The following CNTD1 variants were observed in gnomAD, a reference collection of about 807,000 sequenced individuals.
CNTD1 encodes cyclin N-terminal domain containing 1.
A neutral mutation model predicts 36.3 loss-of-function variants in CNTD1; 17 were observed. The observed-to-expected ratio is 0.47, with a 90% confidence interval of 0.32 to 0.70. The LOEUF is 0.70. Among genes scored for constraint, CNTD1 ranks in the 30% least tolerant of loss-of-function variants. The pLI is 0.03. For synonymous variants in CNTD1, 128 were observed against 153.3 expected (o/e 0.83, Z 1.22); for missense variants, 338 against 386.1 (o/e 0.88, Z 1.04).
chr17:42,799,909 C>CA (rs550085039), intron 1 of CNTD1, among the ~76,000 whole-genome samples: 33 of 149,574 alleles, frequency 2.2e-4, no homozygotes, highest in Non-Finnish European at 3.3e-4. Flanking sequence ...ACTAAAAATA[C>CA]AAAAAAAAGC....
At position 42,810,653 on chromosome 17, in the gene CNTD1, A is replaced by G. The variant is rs781321902; in HGVS notation, c.*1118A>G. The G allele has an allele frequency of 7.4e-6, 9 of 1,210,420 alleles. No homozygotes were observed. Among genetic ancestry groups the G allele is most frequent in the Non-Finnish European group, 1.0e-5 (9 of 893,938 alleles). 75.0% of individuals were successfully genotyped at this position (1,210,420 alleles called of 1,614,324 possible). On this transcript the variant is annotated 3_prime_UTR_variant, in exon 7 of 7. Transcript: ENST00000588408. ...TTTTGTGGATTTTTTCTTTTTTGGT[A>G]TTGTAAACATGTACTGTTTAATATT...
At position 42,801,510 on chromosome 17, in the gene CNTD1, A is replaced by ATATAT. The variant is rs1555546481; in HGVS notation, c.170-2110_170-2109insTATAT. Among the ~76,000 whole-genome samples, 59 of 54,282 alleles carry ATATAT rather than the reference A, an allele frequency of 1.1e-3. 1 individual carries two copies. The highest frequency in any genetic ancestry group is 1.5e-3 in the Non-Finnish European group (52 of 33,760). 35.6% of individuals were successfully genotyped at this position (54,282 alleles called of 152,430 possible). A position where few individuals can be genotyped will look rare whatever the true frequency, so the allele number is the denominator to read the frequency against. The stretch of plus-strand genomic sequence containing the variant: ...GACCTTGTCTCAAAAAAAAAAAAAA[A>ATATAT]ATATATATATATATATATATATATA... On this transcript the variant is annotated intron_variant, in intron 1 of 6. Transcript: ENST00000588408.
chr17:42,808,107 C>G (rs1295129686), intron 6 of CNTD1, among the ~76,000 whole-genome samples: 1 of 152,112 alleles, frequency 6.6e-6, no homozygotes, highest in African/African-American at 2.4e-5. Context: ...TAACGATAAC[C>G]TGCTATTATG....
chr17:42,800,109 T>C (rs1018341435), intron 1 of CNTD1, among the ~76,000 whole-genome samples: 1 of 131,076 alleles, frequency 7.6e-6, no homozygotes, highest in Non-Finnish European at 1.6e-5. Context: ...AAAGATGAAA[T>C]AGAGATAGAG....
intron 4 of CNTD1, among the ~76,000 whole-genome samples, 166 bp downstream of exon 4, chr17:42,806,050 A>G (rs1489254991): frequency 6.6e-6 from 1 of 152,170 alleles, no homozygotes; most frequent in African/African-American, 2.4e-5. Flanking sequence ...CAACATAGTG[A>G]GACCCCATCT....
chr17:42,799,077 C>T lies in CNTD1; in HGVS notation c.10C>T (p.Pro4Ser), dbSNP rs997268221. ...CAAGAGGCTCGTGAATATGGACGGA[C>T]CCATGAGGCCACGATCGGCCTCCCT... MDG[P>S]MRPRSASLVD... The change falls in exon 1 of 7, where the codon CCC (proline) becomes TCC (serine). Residue 4 changes from proline (P) to serine (S), a missense_variant. Physicochemically the swap from Pro to Ser is moderately conservative, Grantham distance 74 (BLOSUM62 -1). Transcript: ENST00000588408. 5.0e-6 allele frequency: 8 copies of T among 1,613,798 alleles called. No individual in the cohort carries two copies. Among genetic ancestry groups the T allele is most frequent in the Non-Finnish European group, 6.8e-6 (8 of 1,179,966 alleles).
rs1464158980 is a variant in CNTD1, at chr17:42,810,640, TTTC to T, written c.*1108_*1110del. The T allele has an allele frequency of 6.3e-6, 7 of 1,115,020 alleles. No individual in the cohort carries two copies. In the African/African-American group the frequency reaches 6.5e-5, roughly 10 times the overall value. The allele number at this position is 1,115,020 out of a possible 1,614,324, so 69.1% of individuals were successfully genotyped here. A position where few individuals can be genotyped will look rare whatever the true frequency, so the allele number is the denominator to read the frequency against. ...AAAATAAAGTGGCTTTTGTGGATTT[TTTC>T]TTTTTTGGTATTGTAAACATGTACT... On this transcript the variant is annotated 3_prime_UTR_variant, in exon 7 of 7. Transcript: ENST00000588408.
Position 42,798,911 on chromosome 17 carries a change from T to G in CNTD1, c.-157T>G, listed in dbSNP as rs61757410. On this transcript the variant is annotated 5_prime_UTR_variant, in exon 1 of 7. Coordinates refer to ENST00000588408, the MANE Select transcript of CNTD1 (RefSeq NM_173478.3). ...GAAAAAGCTGTGGAGGGTTCGAGGC[T>G]GTGGTGGTAATTGGGTTTTCCTCAG... 5.3e-4 allele frequency: 770 copies of G among 1,448,160 alleles called. 1 individual carries two copies. In the African/African-American group the frequency reaches 9.5e-3, roughly 18 times the overall value. 89.7% of individuals were successfully genotyped at this position (1,448,160 alleles called of 1,614,324 possible). A position where few individuals can be genotyped will look rare whatever the true frequency, so the allele number is the denominator to read the frequency against.
chr17:42,803,808 C>T, intron 2 of CNTD1, 113 bp downstream of exon 2: 2 of 771,928 alleles, frequency 2.6e-6, no homozygotes, highest in Non-Finnish European at 4.4e-6. Flanking sequence ...GGTTTTACAC[C>T]CTCTCTAACT....
chr17:42,798,789 G>A, upstream of CNTD1: 2 of 1,465,392 alleles, frequency 1.4e-6, no homozygotes, highest in Non-Finnish European at 1.8e-6. Context: ...CCCTTTGCGG[G>A]GCAGAGCCGC....
chr17:42,803,773 G>A, intron 2 of CNTD1, 78 bp downstream of exon 2: 2 of 1,107,492 alleles, frequency 1.8e-6, no homozygotes. Flanking sequence ...GAAAGTATGA[G>A]TAGTTGCCCC....
Position 42,805,948 on chromosome 17 carries a change from T to C in CNTD1, c.580+64T>C, listed in dbSNP as rs560443292. The C allele has an allele frequency of 2.1e-6, 3 of 1,453,722 alleles. No individual in the cohort carries two copies. The East Asian group carries it at 7.0e-5, about 34-fold the overall frequency. 90.1% of individuals were successfully genotyped at this position (1,453,722 alleles called of 1,614,324 possible). A position where few individuals can be genotyped will look rare whatever the true frequency, so the allele number is the denominator to read the frequency against. ...CATAGAAGGCAATACAAAATGTGCA[T>C]GGGGGGGCATGGCTCATGCCTGTAA... On this transcript the variant is annotated intron_variant, in intron 4 of 6. Coordinates refer to ENST00000588408, the MANE Select transcript of CNTD1 (RefSeq NM_173478.3).
chr17:42,809,219 T>C, intron 6 of CNTD1, 146 bp from the exon 7 acceptor site: 4 of 689,426 alleles, frequency 5.8e-6, no homozygotes, highest in Non-Finnish European at 9.8e-6. Flanking sequence ...CTAATATAAT[T>C]TGGCCATTGG....
In CNTD1 at chr17:42,799,093, C is replaced by T. The variant is rs1440954961; in HGVS notation, c.26C>T (p.Ser9Leu). 1 of 1,614,028 alleles carries T rather than the reference C, an allele frequency of 6.2e-7. No homozygotes were observed. Among genetic ancestry groups the T allele is most frequent in the Non-Finnish European group, 8.5e-7 (1 of 1,180,012 alleles). Residue 9 changes from serine (S) to leucine (L), a missense_variant, in exon 1 of 7, where the codon TCG becomes TTG. Physicochemically the swap from Ser to Leu is moderately radical, Grantham distance 145. Transcript: ENST00000588408. MDGPMRPR[S>L]ASLVDFQFGV... Reference sequence around the variant, plus strand: ...ATGGACGGACCCATGAGGCCACGATCGGCCTCCCTCGTTGACTTTCAGTTT... The same window carrying T: ...ATGGACGGACCCATGAGGCCACGATTGGCCTCCCTCGTTGACTTTCAGTTT...
intron 5 of CNTD1, among the ~76,000 whole-genome samples, chr17:42,807,551 A>G (rs925113381): frequency 1.3e-5 from 2 of 152,266 alleles, no homozygotes; most frequent in Non-Finnish European, 2.9e-5. Context: ...AAAAAGGCCT[A>G]TAAACCATTC....
At position 42,810,878 on chromosome 17, in the gene CNTD1, G is replaced by C; in HGVS notation, c.*1343G>C. The C allele has an allele frequency of 6.2e-7, 1 of 1,613,168 alleles. No homozygotes were observed. The highest frequency in any genetic ancestry group is 2.2e-5 in the East Asian group (1 of 44,862). On this transcript the variant is annotated 3_prime_UTR_variant, in exon 7 of 7. Coordinates refer to ENST00000588408, the MANE Select transcript of CNTD1 (RefSeq NM_173478.3). ...GTTAAACTGGGTTTTGATGGAATAG[G>C]AGCCGCCACTGCCTCCTGTGTCTTC...
chr17:42,800,915 G>C (rs186999133), intron 1 of CNTD1, among the ~76,000 whole-genome samples: 1 of 152,152 alleles, frequency 6.6e-6, no homozygotes, highest in Non-Finnish European at 1.5e-5. Flanking sequence ...GGCCGGGCAC[G>C]GTGGCTCACG....
intron 1 of CNTD1, among the ~76,000 whole-genome samples, chr17:42,799,784 G>C (rs1439863558): frequency 2.0e-5 from 1 of 51,040 alleles, no homozygotes; most frequent in Non-Finnish European, 3.8e-5. Context: ...AAAAAAAAAA[G>C]GCTGGGCGCG....
At chr17:42,807,363 T>C (rs988958954) in intron 5 of CNTD1, among the ~76,000 whole-genome samples, 2 of 151,398 alleles carry the variant, frequency 1.3e-5, no homozygotes, top group African/African-American at 4.9e-5. Context: ...TGCAGTGAGC[T>C]GAGATGGCGC....
Sources: gnomAD v4.1 joint callset for allele counts (sites outside exome capture counted in the v4.1 genomes callset) on GRCh38, gnomAD v4.1.1 for gene constraint, MANE v1.5 for transcripts, NCBI Gene and HGNC (gene_info 2026-07-23, HGNC 2026-07-21) for gene names.